Variants in ERG observed in about 807,000 individuals in gnomAD.
ERG encodes transcriptional regulator ERG.
ERG carries 9 observed loss-of-function variants against 55.3 expected under a neutral mutation model. The observed-to-expected ratio is 0.16, with a 90% CI of 0.10 to 0.28. The LOEUF (loss-of-function observed/expected upper bound fraction) is 0.28, where lower values mean the gene tolerates loss of function less well. Ranked by LOEUF, ERG falls within the 10% of genes least tolerant of loss-of-function variation. ERG has a pLI of 1.00. For missense variants in ERG, 434 were observed against 631.6 expected (o/e 0.69, Z 3.35); for synonymous variants, 223 against 237.3 (o/e 0.94, Z 0.55).
chr21:38,609,966 G>A (rs2060216634), intron 1 of ERG, among the ~76,000 whole-genome samples: 1 of 152,162 alleles, frequency 6.6e-6, no homozygotes, highest in Admixed American at 6.5e-5. Flanking sequence ...CAAATAAATA[G>A]AATTAAAGGA....
At chr21:38,395,435 T>C (rs970208910) in intron 6 of ERG, 3 of 219,144 alleles carry the variant, frequency 1.4e-5, no homozygotes, top group African/African-American at 6.7e-5. Context: ...ATATTTTACA[T>C]TTAATTTTCG....
intron 1 of ERG, among the ~76,000 whole-genome samples, chr21:38,480,469 AT>A (rs1243115286): frequency 6.6e-6 from 1 of 152,000 alleles, no homozygotes; most frequent in East Asian, 1.9e-4. Context: ...AACAGAATAA[AT>A]TTCTCTTGCT....
At chr21:38,512,684 A>T (rs2059521554) in intron 2 of ERG, among the ~76,000 whole-genome samples, 1 of 152,224 alleles carries the variant, frequency 6.6e-6, no homozygotes, top group South Asian at 2.1e-4. Flanking sequence ...TGAGGTTTGG[A>T]TCATGGAGTA....
upstream of ERG, among the ~76,000 whole-genome samples, chr21:38,585,717 A>AT (rs1226916191): frequency 6.6e-6 from 1 of 151,768 alleles, no homozygotes; most frequent in Admixed American, 6.6e-5. Flanking sequence ...CATCAAATCA[A>AT]TATTTGTAAT....
chr21:38,521,794 C>T (rs529285221), intron 2 of ERG, among the ~76,000 whole-genome samples: 4 of 152,274 alleles, frequency 2.6e-5, no homozygotes, highest in African/African-American at 9.6e-5. Context: ...ATGGACTTAA[C>T]TTAGCAATTA....
chr21:38,475,569 T>A (rs1271931803), intron 1 of ERG, among the ~76,000 whole-genome samples: 1 of 152,212 alleles, frequency 6.6e-6, no homozygotes, highest in African/African-American at 2.4e-5. Flanking sequence ...CTGGTCCGCA[T>A]CACTCCTCCG....
chr21:38,417,354 A>G (rs1283521320), intron 3 of ERG, among the ~76,000 whole-genome samples: 1 of 152,260 alleles, frequency 6.6e-6, no homozygotes, highest in African/African-American at 2.4e-5. Flanking sequence ...GAAGAGATAC[A>G]GTGAAGAGAA....
At chr21:38,474,807 T>C (rs997986799) in intron 1 of ERG, among the ~76,000 whole-genome samples, 1 of 152,052 alleles carries the variant, frequency 6.6e-6, no homozygotes, top group Non-Finnish European at 1.5e-5. Context: ...CAAAAATGTC[T>C]CTAGATTAAT....
At chr21:38,403,814 G>T in intron 3 of ERG, 105 bp from the exon 4 acceptor site, 1 of 1,088,772 alleles carries the variant, frequency 9.2e-7, no homozygotes, top group Non-Finnish European at 1.4e-6. Flanking sequence ...CCTTCCACAA[G>T]CACAGCCTCC....
chr21:38,528,516 C>T lies in ERG; in HGVS notation c.-41+47146G>A, dbSNP rs1336728253. Among the ~76,000 whole-genome samples the T allele has an allele frequency of 1.0e-4, 3 of 28,962 alleles. 1 individual carries two copies. The highest frequency in any genetic ancestry group is 2.7e-4 in the African/African-American group (3 of 10,918). 19.0% of individuals were successfully genotyped at this position (28,962 alleles called of 152,430 possible). A position where few individuals can be genotyped will look rare whatever the true frequency, so the allele number is the denominator to read the frequency against. On this transcript the variant is annotated intron_variant, in intron 2 of 8. Coordinates refer to the ERG transcript ENST00000398897. ...AGGCTGGAGTGCAGTGGCGGGATCT[C>T]GGCTCACTGCAAGCTCCGCCTCCCG...
chr21:38,430,928 A>T (rs1990175323), intron 2 of ERG, among the ~76,000 whole-genome samples: 1 of 151,960 alleles, frequency 6.6e-6, no homozygotes, highest in Non-Finnish European at 1.5e-5. Flanking sequence ...ACACAGAAAT[A>T]GTGTAGGAAG....
At chr21:38,603,439 T>C (rs1378143253) in intron 1 of ERG, among the ~76,000 whole-genome samples, 1 of 151,982 alleles carries the variant, frequency 6.6e-6, no homozygotes, top group Non-Finnish European at 1.5e-5. Context: ...GTCAACATGG[T>C]GAAACCCTGT....
chr21:38,607,893 A>C (rs2060205444), intron 1 of ERG, among the ~76,000 whole-genome samples: 1 of 146,410 alleles, frequency 6.8e-6, no homozygotes, highest in Admixed American at 6.8e-5. Context: ...AGTGGGTAGA[A>C]ACAATGCTTG....
chr21:38,639,693 A>G (rs1277701054), intron 1 of ERG, among the ~76,000 whole-genome samples: 4 of 152,228 alleles, frequency 2.6e-5, no homozygotes, highest in African/African-American at 9.6e-5. Context: ...AGAAATGGGA[A>G]CCAGGATGGC....
intron 2 of ERG, among the ~76,000 whole-genome samples, chr21:38,435,189 C>A (rs1041306929): frequency 6.6e-6 from 1 of 152,134 alleles, no homozygotes; most frequent in African/African-American, 2.4e-5. Context: ...AAATAAATCC[C>A]TTCTCAGGTG....
Position 38,382,618 on chromosome 21 carries a change from T to C in ERG, c.*785A>G. ...ACTCATTGTACACAGTCCCCAAATG[T>C]CCTGAGTCCAGTCTTCATTGCTTGA... On this transcript the variant is annotated 3_prime_UTR_variant, in exon 10 of 10. Transcript: ENST00000288319. The C allele has an allele frequency of 9.4e-7, 1 of 1,066,448 alleles. No homozygotes were observed. Among genetic ancestry groups the C allele is most frequent in the Non-Finnish European group, 1.1e-6 (1 of 879,732 alleles). The allele number at this position is 1,066,448 out of a possible 1,614,324, so 66.1% of individuals were successfully genotyped here.
intron 2 of ERG, among the ~76,000 whole-genome samples, chr21:38,521,201 C>T (rs1261046207): frequency 6.6e-6 from 1 of 152,168 alleles, no homozygotes; most frequent in Non-Finnish European, 1.5e-5. Flanking sequence ...AGACCAGCCA[C>T]ACAGTTCCCT....
chr21:38,405,315 T>C (rs1988713052), intron 3 of ERG, among the ~76,000 whole-genome samples: 1 of 152,218 alleles, frequency 6.6e-6, no homozygotes, highest in African/African-American at 2.4e-5. Context: ...CACAAAGATA[T>C]ACTCAATCAT....
At chr21:38,400,042 T>C (rs1988412952) in intron 6 of ERG, 2 of 270,900 alleles carry the variant, frequency 7.4e-6, no homozygotes, top group Admixed American at 9.7e-5. Context: ...ACACCACGCT[T>C]GGCACTAATG....
Sources: allele counts gnomAD v4.1 joint callset (sites outside exome capture counted in the v4.1 genomes callset), GRCh38; gene constraint gnomAD v4.1.1; transcripts MANE v1.5; gene names NCBI Gene and HGNC (gene_info 2026-07-23, HGNC 2026-07-21).